Variants in KIF27 observed in about 807,000 individuals in gnomAD.
The protein encoded by KIF27 is kinesin family member 27, also known as kinesin-like protein KIF27.
KIF27 carries 84 observed loss-of-function variants against 141.8 expected under a neutral mutation model. The ratio of observed to expected loss-of-function variants is 0.59; its 90% confidence interval spans 0.50 to 0.71. The LOEUF (loss-of-function observed/expected upper bound fraction) is 0.71, where lower values mean the gene tolerates loss of function less well. Ranked by LOEUF, KIF27 falls within the 30% of genes least tolerant of loss-of-function variation. The pLI, the probability that KIF27 is intolerant of heterozygous loss-of-function variation, is 0.00. For synonymous variants in KIF27, 471 were observed against 569.5 expected, an observed-to-expected ratio of 0.83 and a Z score of 2.46; for missense variants, 1,306 against 1,628.4, an observed-to-expected ratio of 0.80 and a Z score of 3.41.
At chr9:83,874,933 C>CA (rs34762926) in intron 11 of KIF27, among the ~76,000 whole-genome samples, 29,231 of 91,328 alleles carry the variant, frequency 0.32, 5,343 homozygotes, top group Non-Finnish European at 0.4. Context: ...GACCTTGTCT[C>CA]AAAAAAAAAA....
At chr9:83,920,513 C>G (rs1956147215) in intron 1 of KIF27, among the ~76,000 whole-genome samples, 1 of 152,086 alleles carries the variant, frequency 6.6e-6, no homozygotes, top group Non-Finnish European at 1.5e-5. Flanking sequence ...CTCCAAAAAC[C>G]GTTGCCATCC....
At chr9:83,842,481 G>C in intron 16 of KIF27, 80 bp from the exon 17 acceptor site, 1 of 1,301,022 alleles carries the variant, frequency 7.7e-7, no homozygotes, top group Non-Finnish European at 1.0e-6. Flanking sequence ...TGTTTTTTTT[G>C]AGACGGAGTC....
At chr9:83,913,793 A>G (rs964389900) in intron 2 of KIF27, among the ~76,000 whole-genome samples, 2 of 152,216 alleles carry the variant, frequency 1.3e-5, no homozygotes, top group African/African-American at 4.8e-5. Flanking sequence ...TCACAGGTAT[A>G]ATATCTCATT....
chr9:83,894,698 C>T (rs1295360313), intron 5 of KIF27, among the ~76,000 whole-genome samples: 1 of 152,186 alleles, frequency 6.6e-6, no homozygotes, highest in Admixed American at 6.5e-5. Flanking sequence ...TCCTCTGTGA[C>T]TCTGCTGAGA....
chr9:83,867,285 A>G (rs147125980), intron 13 of KIF27, among the ~76,000 whole-genome samples: 2 of 152,148 alleles, frequency 1.3e-5, no homozygotes, highest in African/African-American at 2.4e-5. Flanking sequence ...GTTTTTAGCT[A>G]TTATGAATAA....
chr9:83,864,923 T>C (rs1950233093), intron 13 of KIF27, among the ~76,000 whole-genome samples: 1 of 152,232 alleles, frequency 6.6e-6, no homozygotes, highest in East Asian at 1.9e-4. Flanking sequence ...CCTTTACCAT[T>C]ATGTAATGGC....
intron 6 of KIF27, among the ~76,000 whole-genome samples, chr9:83,890,285 T>C (rs1422674871): frequency 6.6e-6 from 1 of 152,076 alleles, no homozygotes; most frequent in Non-Finnish European, 1.5e-5. Flanking sequence ...ATCAGCATCA[T>C]GATAGATGGG....
At chr9:83,904,139 T>G (rs1311898249) in intron 3 of KIF27, 121 bp from the exon 4 acceptor site, 1 of 637,758 alleles carries the variant, frequency 1.6e-6, no homozygotes, top group Non-Finnish European at 2.7e-6. Context: ...TCAACAGCAT[T>G]TCAGATAATA....
At chr9:83,859,660 T>C (rs917007413) in intron 13 of KIF27, 5 of 319,884 alleles carry the variant, frequency 1.6e-5, no homozygotes, top group African/African-American at 8.7e-5. Context: ...GCCTCCCTGG[T>C]TGCTGGGATT....
At position 83,867,530 on chromosome 9, in the gene KIF27, C is replaced by G. The variant is rs540624394; in HGVS notation, c.2934+154G>C. On this transcript the variant is annotated intron_variant, in intron 13 of 17. Coordinates refer to ENST00000297814, the MANE Select transcript of KIF27 (RefSeq NM_017576.4). ...ACAAAATGGTTATCCAAAGCAATTG[C>G]ACCATTTTCCAATTTCACCAGCAGT... is the stretch of plus-strand genomic sequence containing the variant. 6.2e-5 allele frequency among the ~76,000 whole-genome samples: 9 copies of G among 144,020 alleles called. No homozygotes were observed. The South Asian group carries it at 2.0e-3, about 32-fold the overall frequency. The allele number at this position is 144,020 out of a possible 152,430, so 94.5% of individuals were successfully genotyped here.
At chr9:83,848,248 A>G (rs1330372388) in intron 16 of KIF27, among the ~76,000 whole-genome samples, 1 of 92,158 alleles carries the variant, frequency 1.1e-5, no homozygotes, top group Non-Finnish European at 2.2e-5. Flanking sequence ...ATGATATATC[A>G]GATATGATAT....
intron 11 of KIF27, among the ~76,000 whole-genome samples, chr9:83,872,181 G>A (rs546914517): frequency 6.6e-5 from 10 of 151,952 alleles, no homozygotes; most frequent in Admixed American, 2.0e-4. Flanking sequence ...AAAATTAGCC[G>A]GGCGTGTGCC....
chr9:83,872,390 C>T lies in KIF27; in HGVS notation c.2644-1758G>A, dbSNP rs572024345. Among the ~76,000 whole-genome samples, 7 of 152,252 alleles carry T rather than the reference C, an allele frequency of 4.6e-5. No homozygotes were observed. In the South Asian group the frequency reaches 1.4e-3, roughly 32 times the overall value. On this transcript the variant is annotated intron_variant, in intron 11 of 17. Transcript: ENST00000297814. ...GGTTTAGAAATGATGTTGTCCATCA[C>T]TAAAGCTTAGCAGGACAGGAAGGAG...
intron 10 of KIF27, among the ~76,000 whole-genome samples, chr9:83,882,466 T>G (rs1048886347): frequency 2.0e-5 from 3 of 152,210 alleles, no homozygotes; most frequent in Non-Finnish European, 2.9e-5. Context: ...CTTTCCACAT[T>G]TGTAAAATGG....
At chr9:83,908,420 A>C in intron 3 of KIF27, 32 bp downstream of exon 3, 1 of 1,362,798 alleles carries the variant, frequency 7.3e-7, no homozygotes, top group Non-Finnish European at 1.0e-6. Context: ...CTGTTTGCTA[A>C]TGAAGGCAAC....
intron 10 of KIF27, among the ~76,000 whole-genome samples, 191 bp from the exon 11 acceptor site, chr9:83,880,685 C>T (rs1383211831): frequency 1.3e-5 from 2 of 152,102 alleles, no homozygotes; most frequent in Admixed American, 1.3e-4. Context: ...TCATAATTTG[C>T]ATCACATATG....
In KIF27 at chr9:83,837,095, A is replaced by G. The variant is rs770595664; in HGVS notation, c.4112T>C (p.Leu1371Pro). The part of the protein sequence containing the change: ...KELRQISALE[L>P]SLRRSSLGVG... Reference sequence around the variant, plus strand: ...TCCAAGACTGGAACGTCGCAATGATAGTTCCAAGGCGGAAATTTGACGTAA... The same window carrying G: ...TCCAAGACTGGAACGTCGCAATGATGGTTCCAAGGCGGAAATTTGACGTAA... The change falls in exon 18 of 18, where the codon CTA becomes CCA. Residue 1371 changes from leucine (L) to proline (P), a missense_variant. Physicochemically the swap from Leu to Pro is moderately conservative, Grantham distance 98 (BLOSUM62 -3). This residue lies in a region of KIF27 where 148 missense variants were observed against 250.9 expected (regional missense o/e 0.59). Coordinates refer to ENST00000297814, the MANE Select transcript of KIF27 (RefSeq NM_017576.4). 2 of 1,613,884 alleles carry G rather than the reference A, an allele frequency of 1.2e-6. No individual in the cohort carries two copies. Among genetic ancestry groups the G allele is most frequent in the African/African-American group, 2.7e-5 (2 of 74,926 alleles).
At chr9:83,881,425 G>C (rs1012582176) in intron 10 of KIF27, among the ~76,000 whole-genome samples, 1 of 152,176 alleles carries the variant, frequency 6.6e-6, no homozygotes, top group African/African-American at 2.4e-5. Context: ...GTTAGCATAG[G>C]CAAGTTTTGT....
At chr9:83,881,645 A>G (rs1057493645) in intron 10 of KIF27, among the ~76,000 whole-genome samples, 3 of 152,362 alleles carry the variant, frequency 2.0e-5, no homozygotes, top group East Asian at 1.9e-4. Context: ...AACAAGAACA[A>G]TCGGCAGATG....
Sources: allele counts gnomAD v4.1 joint callset (sites outside exome capture counted in the v4.1 genomes callset), GRCh38; gene constraint gnomAD v4.1.1; regional missense constraint gnomAD v4.1.1; transcripts MANE v1.5; gene names NCBI Gene and HGNC (gene_info 2026-07-23, HGNC 2026-07-21).